Variants in RGPD3 observed in about 807,000 individuals in gnomAD.
The protein encoded by RGPD3 is ranBP2-like and GRIP domain-containing protein 3.
Under a neutral mutation model 154.5 loss-of-function variants are expected in RGPD3, and 62 were observed. The ratio of observed to expected loss-of-function variants is 0.40; its 90% CI spans 0.33 to 0.50. RGPD3 has a LOEUF of 0.50. RGPD3 is among the 20% of genes least tolerant of loss of function. The probability of loss-of-function intolerance (pLI) is 0.59; values close to 1 mark genes in which losing one functional copy is unlikely to be tolerated. For synonymous variants in RGPD3, 308 were observed against 607.0 expected (o/e 0.51, Z 7.24); for missense variants, 919 against 1,716.8 (o/e 0.54, Z 8.21).
At chr2:106,461,686 A>G (rs1678409337) in intron 1 of RGPD3, among the ~76,000 whole-genome samples, 1 of 151,656 alleles carries the variant, frequency 6.6e-6, no homozygotes, top group Non-Finnish European at 1.5e-5. Flanking sequence ...AATTCCATTT[A>G]CAATCGCATC....
chr2:106,430,074 C>T (rs915150244), intron 17 of RGPD3, among the ~76,000 whole-genome samples: 6 of 150,332 alleles, frequency 4.0e-5, no homozygotes, highest in East Asian at 4.0e-4. Flanking sequence ...AGTAGAGATG[C>T]GGTTTCACCA....
Position 106,416,003 on chromosome 2 carries a change from T to C in RGPD3, c.4925-14A>G. Reference sequence around the variant, plus strand: ...ATAATGGAGGCTCTGCAACATGTTGTTCCAAGAATTAATTTTCAAAATCAT... The same window carrying C: ...ATAATGGAGGCTCTGCAACATGTTGCTCCAAGAATTAATTTTCAAAATCAT... On this transcript the variant is annotated splice_polypyrimidine_tract_variant and intron_variant, in intron 20 of 22. Coordinates refer to ENST00000409886, the MANE Select transcript of RGPD3 (RefSeq NM_001144013.2). The C allele has an allele frequency of 6.2e-7, 1 of 1,611,394 alleles. No homozygotes were observed. Among genetic ancestry groups the C allele is most frequent in the Admixed American group, 1.7e-5 (1 of 59,924 alleles).
At chr2:106,408,627 GC>G (rs1322143569) in intron 22 of RGPD3, among the ~76,000 whole-genome samples, 8 of 140,248 alleles carry the variant, frequency 5.7e-5, no homozygotes, top group Non-Finnish European at 9.3e-5. Flanking sequence ...TTCAACATTA[GC>G]CTTACTAGAT....
intron 1 of RGPD3, among the ~76,000 whole-genome samples, chr2:106,466,201 G>C (rs889153531): frequency 6.6e-6 from 1 of 152,136 alleles, no homozygotes; most frequent in Non-Finnish European, 1.5e-5. Context: ...AGGAAGCGCC[G>C]GCGCCAACGG....
intron 19 of RGPD3, 63 bp from the exon 20 acceptor site, chr2:106,425,329 ACC>A (rs1677164966): frequency 6.2e-7 from 1 of 1,602,150 alleles, no homozygotes; most frequent in Admixed American, 1.7e-5. Context: ...TGAAATACAT[ACC>A]TTCTTCATTC....
chr2:106,446,390 AC>A (rs1677932796), intron 7 of RGPD3, among the ~76,000 whole-genome samples: 1 of 151,908 alleles, frequency 6.6e-6, no homozygotes, highest in East Asian at 1.9e-4. Context: ...ACATGGTGAA[AC>A]CCCGTCTCTA....
chr2:106,448,254 C>G (rs1271084102), intron 6 of RGPD3, among the ~76,000 whole-genome samples: 1 of 152,236 alleles, frequency 6.6e-6, no homozygotes, highest in Non-Finnish European at 1.5e-5. Context: ...ATTACAGGCA[C>G]CTGCCACCAT....
chr2:106,443,948 A>G (rs1431893361), intron 7 of RGPD3, among the ~76,000 whole-genome samples: 1 of 150,896 alleles, frequency 6.6e-6, no homozygotes, highest in Non-Finnish European at 1.5e-5. Context: ...CGCCCGCCTC[A>G]GCCTCCCAAA....
intron 1 of RGPD3, among the ~76,000 whole-genome samples, chr2:106,465,911 G>T (rs1347535519): frequency 6.6e-6 from 1 of 151,800 alleles, no homozygotes; most frequent in African/African-American, 2.4e-5. Flanking sequence ...AAATGTCCGC[G>T]CTGAGATGCC....
chr2:106,440,417 AT>A (rs1177152622), intron 8 of RGPD3, among the ~76,000 whole-genome samples: 1 of 151,716 alleles, frequency 6.6e-6, no homozygotes, highest in African/African-American at 2.4e-5. Flanking sequence ...GATCAAAGAT[AT>A]AAAAAAAAAT....
chr2:106,417,872 G>A (rs1177473941), intron 20 of RGPD3, among the ~76,000 whole-genome samples: 1 of 150,894 alleles, frequency 6.6e-6, no homozygotes, highest in Non-Finnish European at 1.5e-5. Context: ...GCTCAAATCT[G>A]TAATCCTAGC....
At chr2:106,466,879 G>C (rs1158620147) in intron 1 of RGPD3, among the ~76,000 whole-genome samples, 2 of 86,312 alleles carry the variant, frequency 2.3e-5, no homozygotes, top group Admixed American at 1.2e-4. Flanking sequence ...CATCGAGGCC[G>C]CCGCCGGGCC....
intron 1 of RGPD3, among the ~76,000 whole-genome samples, chr2:106,467,040 G>A (rs1385715801): frequency 2.3e-5 from 3 of 128,526 alleles, no homozygotes; most frequent in Non-Finnish European, 5.1e-5. Context: ...AACAGAGCGC[G>A]CCAGGTAACA....
At position 106,457,053 on chromosome 2, in the gene RGPD3, T is replaced by G. The variant is rs773130443; in HGVS notation, c.323A>C (p.Asp108Ala). 1.2e-6 allele frequency: 2 copies of G among 1,611,646 alleles called. No homozygotes were observed. The highest frequency in any genetic ancestry group is 1.7e-6 in the Non-Finnish European group (2 of 1,179,632). The change falls in exon 4 of 23, where the codon GAT becomes GCT. Residue 108 changes from aspartate to alanine, a missense_variant. Physicochemically the swap from Asp to Ala is moderately radical, Grantham distance 126 (BLOSUM62 -2). Transcript: ENST00000409886. ...GTATTCTGCTCTTCCATCAGTAACATCATTTTTACAAAGCAATTCTGCAAT... is the reference window on the plus strand; with the variant it reads ...GTATTCTGCTCTTCCATCAGTAACAGCATTTTTACAAAGCAATTCTGCAAT... The part of the protein sequence containing the change: ...LKIAELLCKN[D>A]VTDGRAEYWV...
intron 20 of RGPD3, among the ~76,000 whole-genome samples, chr2:106,417,803 G>A (rs1207089451): frequency 6.6e-6 from 1 of 151,456 alleles, no homozygotes; most frequent in African/African-American, 2.5e-5. Flanking sequence ...TAAGTGAAAG[G>A]TGTATGAAGA....
intron 17 of RGPD3, among the ~76,000 whole-genome samples, chr2:106,430,041 G>A (rs1411136981): frequency 2.0e-5 from 3 of 151,738 alleles, no homozygotes; most frequent in South Asian, 4.2e-4. Context: ...CAGCCAGCAC[G>A]CCCGGCTAAT....
At chr2:106,438,597 C>CCTG (rs1389821429) in intron 9 of RGPD3, among the ~76,000 whole-genome samples, 8 of 151,852 alleles carry the variant, frequency 5.3e-5, no homozygotes, top group African/African-American at 1.9e-4. Context: ...GCCTGACCAA[C>CCTG]ATGATGAAAC....
intron 22 of RGPD3, among the ~76,000 whole-genome samples, chr2:106,411,896 C>A (rs1573239276): frequency 6.6e-6 from 1 of 151,954 alleles, no homozygotes; most frequent in Non-Finnish European, 1.5e-5. Context: ...ATTTAGGATA[C>A]TATAAAAAGA....
chr2:106,460,366 T>C (rs1370334392), intron 1 of RGPD3, among the ~76,000 whole-genome samples: 1 of 151,816 alleles, frequency 6.6e-6, no homozygotes, highest in African/African-American at 2.4e-5. Flanking sequence ...AAGTAAGTAC[T>C]TAGGATCTAT....
Sources: gnomAD v4.1 joint callset for allele counts (sites outside exome capture counted in the v4.1 genomes callset) on GRCh38, gnomAD v4.1.1 for gene constraint, MANE v1.5 for transcripts, NCBI Gene and HGNC (gene_info 2026-07-23, HGNC 2026-07-21) for gene names.